The following BMAL2 variants were observed in gnomAD, a reference collection of about 807,000 sequenced individuals.
The protein encoded by BMAL2 is basic helix-loop-helix ARNT like 2.
At chr12:27,372,311 A>G in the BMAL2 span, among the ~76,000 whole-genome samples, 1 of 151,940 alleles carries the variant, frequency 6.6e-6, no homozygotes, top group Non-Finnish European at 1.5e-5. Flanking sequence ...AATGTCTTCA[A>G]GTTTCATCCA....
At chr12:27,347,536 T>A in the BMAL2 span, among the ~76,000 whole-genome samples, 29 of 152,148 alleles carry the variant, frequency 1.9e-4, no homozygotes, top group Non-Finnish European at 3.8e-4. Flanking sequence ...TACTAATTGA[T>A]CTGCAGGACA....
chr12:27,403,424 G>A, the BMAL2 span: 2 of 1,517,750 alleles, frequency 1.3e-6, no homozygotes, highest in Non-Finnish European at 1.8e-6. Flanking sequence ...TCCTTTTGCT[G>A]TTACTTAGAA....
chr12:27,391,802 T>C, the BMAL2 span, among the ~76,000 whole-genome samples: 1 of 152,100 alleles, frequency 6.6e-6, no homozygotes, highest in Non-Finnish European at 1.5e-5. Flanking sequence ...GAAACAAAAA[T>C]GGAAATGAAC....
the BMAL2 span, among the ~76,000 whole-genome samples, chr12:27,361,979 AG>A: frequency 1.3e-5 from 2 of 152,146 alleles, no homozygotes; most frequent in Non-Finnish European, 2.9e-5. Context: ...TTAATAAGGA[AG>A]TAGGATAGAA....
chr12:27,392,587 G>GAATGTGGTATGTTTTACTGT, the BMAL2 span, among the ~76,000 whole-genome samples: 1 of 151,920 alleles, frequency 6.6e-6, no homozygotes, highest in African/African-American at 2.4e-5. Context: ...TTAACCAGAG[G>GAATGTGGTATGTTTTACTGT]TGAACCAACA....
At chr12:27,403,466 GA>G in the BMAL2 span, 2 of 1,610,810 alleles carry the variant, frequency 1.2e-6, no homozygotes, top group Non-Finnish European at 1.7e-6. Context: ...AGTGTACCTG[GA>G]ATGTCTACTG....
chr12:27,375,045 T>C, the BMAL2 span, among the ~76,000 whole-genome samples: 1 of 152,182 alleles, frequency 6.6e-6, no homozygotes, highest in African/African-American at 2.4e-5. Flanking sequence ...AAGTGTTATC[T>C]TTTTTTAAGT....
At chr12:27,418,839 C>T in the BMAL2 span, among the ~76,000 whole-genome samples, 3 of 151,920 alleles carry the variant, frequency 2.0e-5, no homozygotes, top group South Asian at 2.1e-4. Context: ...ATTAGCTGGG[C>T]GTAGTGGCAG....
the BMAL2 span, among the ~76,000 whole-genome samples, chr12:27,362,397 C>T: frequency 9.2e-5 from 14 of 152,230 alleles, no homozygotes; most frequent in East Asian, 1.7e-3. Context: ...AAGTGCCTCA[C>T]GATCACTGGT....
At chr12:27,418,951 C>A in the BMAL2 span, among the ~76,000 whole-genome samples, 1 of 143,504 alleles carries the variant, frequency 7.0e-6, no homozygotes, top group South Asian at 2.2e-4. Context: ...TGCACTCCAG[C>A]ATGGGCAGCA....
chr12:27,386,009 G>T, the BMAL2 span, among the ~76,000 whole-genome samples: 1 of 151,952 alleles, frequency 6.6e-6, no homozygotes, highest in South Asian at 2.1e-4. Context: ...GGTCTAGAGG[G>T]GAAACTGTGA....
the BMAL2 span, chr12:27,420,802 A>G: frequency 3.3e-6 from 1 of 299,806 alleles, no homozygotes; most frequent in African/African-American, 2.2e-5. Context: ...ATTTCTAACC[A>G]AGAATACTAC....
chr12:27,353,449 A>T, the BMAL2 span, among the ~76,000 whole-genome samples: 1 of 152,158 alleles, frequency 6.6e-6, no homozygotes, highest in Non-Finnish European at 1.5e-5. Context: ...AGACTTAAAT[A>T]TAAGACCTAA....
the BMAL2 span, chr12:27,400,483 A>C: frequency 7.0e-7 from 1 of 1,420,036 alleles, no homozygotes; most frequent in Non-Finnish European, 9.5e-7. Context: ...AAGAAATTTA[A>C]TGACTTATTT....
chr12:27,346,463 A>T, the BMAL2 span, among the ~76,000 whole-genome samples: 1 of 152,228 alleles, frequency 6.6e-6, no homozygotes, highest in African/African-American at 2.4e-5. Context: ...GGGTTTCACC[A>T]TGTTGGCCAG....
the BMAL2 span, among the ~76,000 whole-genome samples, chr12:27,414,679 A>G: frequency 6.6e-6 from 1 of 152,214 alleles, no homozygotes; most frequent in East Asian, 1.9e-4. Flanking sequence ...GTTTATAGCA[A>G]TAAATACCTA....
At chr12:27,380,396 C>G in the BMAL2 span, 5 of 1,614,038 alleles carry the variant, frequency 3.1e-6, no homozygotes, top group Non-Finnish European at 4.2e-6. Flanking sequence ...CACTTGAGAT[C>G]TTTAAAAGGT....
At chr12:27,414,139 T>C in the BMAL2 span, among the ~76,000 whole-genome samples, 2 of 151,888 alleles carry the variant, frequency 1.3e-5, no homozygotes, top group Non-Finnish European at 2.9e-5. Context: ...GATATAACAA[T>C]TGAAAATATA....
the BMAL2 span, among the ~76,000 whole-genome samples, chr12:27,369,303 G>GA: frequency 6.6e-6 from 1 of 151,810 alleles, no homozygotes; most frequent in African/African-American, 2.4e-5. Context: ...TTTTGGTGGG[G>GA]GGGGTGGTAT....
Sources: gnomAD v4.1 joint callset for allele counts (sites outside exome capture counted in the v4.1 genomes callset) on GRCh38, gnomAD v4.1.1 for gene constraint, MANE v1.5 for transcripts, NCBI Gene and HGNC (gene_info 2026-07-23, HGNC 2026-07-21) for gene names.